KIAA1958: variants seen among roughly 807,000 people sequenced by gnomAD.
KIAA1958 encodes uncharacterized protein KIAA1958.
KIAA1958 carries 14 observed loss-of-function variants against 47.2 expected under a neutral mutation model. The ratio of observed to expected loss-of-function variants is 0.30; its 90% CI spans 0.20 to 0.46. KIAA1958 has a LOEUF of 0.46. KIAA1958 is among the 20% of genes least tolerant of loss of function. The pLI is 1.00. For missense variants in KIAA1958, 803 were observed against 909.2 expected (o/e 0.88, Z 1.50); for synonymous variants, 354 against 353.3 (o/e 1.00, Z -0.02).
intron 1 of KIAA1958, among the ~76,000 whole-genome samples, chr9:112,563,435 TC>T (rs1835372879): frequency 1.3e-5 from 2 of 152,210 alleles, no homozygotes; most frequent in Non-Finnish European, 2.9e-5. Context: ...AGTATAGAAG[TC>T]TTGGGCATCT....
In KIAA1958 at chr9:112,618,241, A is replaced by C. The variant is rs140803393; in HGVS notation, c.1172-27409A>C. ...GCTGTAAAGGAAAAGGAAATAAGCCACACAAGTCCATGAAGCTCACCTTTG... is the reference window on the plus strand; with the variant it reads ...GCTGTAAAGGAAAAGGAAATAAGCCCCACAAGTCCATGAAGCTCACCTTTG... On this transcript the variant is annotated intron_variant, in intron 2 of 3. Transcript: ENST00000337530. The surrounding 1 kb of genome is among the most constrained non-coding windows in gnomAD (Gnocchi z 7.1). 173 of 1,550,738 alleles carry C rather than the reference A, an allele frequency of 1.1e-4. No homozygotes were observed. In the East Asian group the frequency reaches 3.8e-3, roughly 34 times the overall value.
chr9:112,608,671 G>A (rs1836275442), intron 2 of KIAA1958, among the ~76,000 whole-genome samples: 1 of 152,016 alleles, frequency 6.6e-6, no homozygotes, highest in Non-Finnish European at 1.5e-5. Context: ...CATGCCTGTG[G>A]TCCCAGCTAC....
chr9:112,578,246 G>A (rs1232044470), intron 2 of KIAA1958, among the ~76,000 whole-genome samples: 1 of 152,078 alleles, frequency 6.6e-6, no homozygotes, highest in African/African-American at 2.4e-5. Context: ...GTTTGTGTTT[G>A]CATGTTTATT....
chr9:112,573,770 T>C (rs781680021), intron 1 of KIAA1958, among the ~76,000 whole-genome samples: 2 of 152,182 alleles, frequency 1.3e-5, no homozygotes, highest in African/African-American at 2.4e-5. Flanking sequence ...TTGTTTCTCT[T>C]TTTCTTTCTC....
At chr9:112,606,703 A>T (rs1340436478) in intron 2 of KIAA1958, among the ~76,000 whole-genome samples, 2 of 152,224 alleles carry the variant, frequency 1.3e-5, no homozygotes, top group Non-Finnish European at 2.9e-5. Context: ...AGAAAATTTC[A>T]ATGAAGTTTG....
At chr9:112,594,937 G>T (rs1267183465) in intron 2 of KIAA1958, among the ~76,000 whole-genome samples, 1 of 152,090 alleles carries the variant, frequency 6.6e-6, no homozygotes, top group African/African-American at 2.4e-5. Flanking sequence ...GGTGTGAAGT[G>T]GTACCTCATT....
chr9:112,522,818 T>G (rs1240235205), intron 1 of KIAA1958, among the ~76,000 whole-genome samples: 1 of 152,216 alleles, frequency 6.6e-6, no homozygotes, highest in Non-Finnish European at 1.5e-5. Context: ...CAGTCCCCAG[T>G]GGGTCCTTGG....
At chr9:112,508,913 T>G (rs1191651204) in intron 1 of KIAA1958, among the ~76,000 whole-genome samples, 1 of 152,176 alleles carries the variant, frequency 6.6e-6, no homozygotes, top group Admixed American at 6.5e-5. Context: ...ACTAATATAG[T>G]ACTTTTGCAA....
chr9:112,619,845 C>T (rs773669217), intron 2 of KIAA1958, among the ~76,000 whole-genome samples: 190 of 152,214 alleles, frequency 1.2e-3, no homozygotes, highest in South Asian at 2.5e-3. Flanking sequence ...AATCTAGAAG[C>T]AGTAGTCGAG....
At chr9:112,515,271 C>T (rs1276245797) in intron 1 of KIAA1958, among the ~76,000 whole-genome samples, 6 of 112,674 alleles carry the variant, frequency 5.3e-5, no homozygotes, top group Non-Finnish European at 1.9e-5. Context: ...GGGGGGTCAG[C>T]CCCCCTGCCC....
intron 2 of KIAA1958, chr9:112,581,801 C>T (rs577957254): frequency 8.7e-6 from 2 of 229,800 alleles, no homozygotes; most frequent in South Asian, 1.5e-4. Context: ...GCTGAGATCT[C>T]AGAGAATGTG....
intron 3 of KIAA1958, among the ~76,000 whole-genome samples, chr9:112,650,475 G>A (rs550145750): frequency 2.6e-5 from 4 of 152,222 alleles, no homozygotes; most frequent in Middle Eastern, 3.4e-3. Flanking sequence ...CAATATTTGC[G>A]GAGTGGTATA....
intron 2 of KIAA1958, among the ~76,000 whole-genome samples, chr9:112,614,369 T>C (rs558379978): frequency 3.3e-5 from 5 of 152,290 alleles, no homozygotes; most frequent in Middle Eastern, 3.4e-3. Flanking sequence ...TGAAAATTAA[T>C]CACATGCACT....
chr9:112,514,438 G>A (rs1834377748), intron 1 of KIAA1958, among the ~76,000 whole-genome samples: 1 of 42,562 alleles, frequency 2.3e-5, no homozygotes, highest in African/African-American at 1.0e-4. Context: ...CGTGCCGTCC[G>A]GGAGGGAGGT....
intron 2 of KIAA1958, among the ~76,000 whole-genome samples, chr9:112,615,590 T>G (rs1326020815): frequency 6.6e-6 from 1 of 152,186 alleles, no homozygotes; most frequent in Non-Finnish European, 1.5e-5. Context: ...CTGCAGAATA[T>G]TCTAGTTCTA....
At chr9:112,591,115 G>T (rs912818203) in intron 2 of KIAA1958, among the ~76,000 whole-genome samples, 1 of 152,004 alleles carries the variant, frequency 6.6e-6, no homozygotes, top group Non-Finnish European at 1.5e-5. Flanking sequence ...ACAGAGTCTC[G>T]CTCTGTCGCC....
At chr9:112,525,057 T>A (rs1834617258) in intron 1 of KIAA1958, among the ~76,000 whole-genome samples, 1 of 152,228 alleles carries the variant, frequency 6.6e-6, no homozygotes, top group South Asian at 2.1e-4. Flanking sequence ...GATAAGATTT[T>A]CATTTGTATC....
intron 2 of KIAA1958, among the ~76,000 whole-genome samples, chr9:112,599,524 CA>C (rs1392425411): frequency 6.6e-6 from 1 of 152,040 alleles, no homozygotes; most frequent in Non-Finnish European, 1.5e-5. Flanking sequence ...AACAATGGAA[CA>C]ACATGTATAG....
At chr9:112,631,627 T>C (rs1284843320) in intron 2 of KIAA1958, among the ~76,000 whole-genome samples, 3 of 151,752 alleles carry the variant, frequency 2.0e-5, no homozygotes, top group Non-Finnish European at 2.9e-5. Context: ...TAAGTAGACA[T>C]TTATTATTAA....
Sources: gnomAD v4.1 joint callset for allele counts (sites outside exome capture counted in the v4.1 genomes callset) on GRCh38, gnomAD v4.1.1 for gene constraint, Gnocchi (gnomAD v3.1) non-coding constraint, MANE v1.5 for transcripts, NCBI Gene and HGNC (gene_info 2026-07-23, HGNC 2026-07-21) for gene names.